The following AK7 variants were observed in gnomAD, a reference collection of about 807,000 sequenced individuals.
The protein encoded by AK7 is adenylate kinase 7, also known as ATP-AMP transphosphorylase 7.
AK7 carries 78 observed loss-of-function variants against 96.6 expected under a neutral mutation model. That is an observed-to-expected ratio of 0.81 (90% confidence interval 0.67 to 0.97). The LOEUF (loss-of-function observed/expected upper bound fraction) is 0.97. AK7 is among the 50% of genes least tolerant of loss of function. AK7 has a pLI of 0.00. For synonymous variants in AK7, 302 were observed against 317.2 expected, an observed-to-expected ratio of 0.95 and a Z score of 0.51; for missense variants, 855 against 887.9, an observed-to-expected ratio of 0.96 and a Z score of 0.47.
intron 4 of AK7, among the ~76,000 whole-genome samples, chr14:96,415,693 A>G (rs1891288007): frequency 6.6e-6 from 1 of 151,618 alleles, no homozygotes; most frequent in East Asian, 1.9e-4. Flanking sequence ...GTTTTGTTAC[A>G]AATGAAGGGT....
intron 17 of AK7, 102 bp downstream of exon 17, chr14:96,487,158 T>A: frequency 8.0e-7 from 1 of 1,254,332 alleles, no homozygotes; most frequent in African/African-American, 1.5e-5. Flanking sequence ...GGGGATCACT[T>A]GTGGTCAGGA....
At chr14:96,440,371 C>T (rs746771146) in intron 6 of AK7, among the ~76,000 whole-genome samples, 12 of 152,214 alleles carry the variant, frequency 7.9e-5, no homozygotes, top group Admixed American at 2.0e-4. Flanking sequence ...TCTCACCTAC[C>T]TGCTCACTGA....
intron 4 of AK7, among the ~76,000 whole-genome samples, chr14:96,413,031 A>G (rs999388428): frequency 6.6e-6 from 1 of 152,200 alleles, no homozygotes; most frequent in Non-Finnish European, 1.5e-5. Context: ...CCCCCAGTAC[A>G]CAAATTGTAT....
chr14:96,396,002 G>A (rs936931369), intron 1 of AK7, among the ~76,000 whole-genome samples: 5 of 151,724 alleles, frequency 3.3e-5, no homozygotes. Context: ...AGTAGAGACG[G>A]AGTTTCACCA....
chr14:96,451,727 T>G (rs1379896671), intron 10 of AK7, among the ~76,000 whole-genome samples, 157 bp downstream of exon 10: 1 of 152,162 alleles, frequency 6.6e-6, no homozygotes, highest in East Asian at 1.9e-4. Context: ...TCTAACAAAT[T>G]TACATGTATA....
chr14:96,478,521 C>A lies in AK7; in HGVS notation c.1612C>A (p.Leu538Ile). 1 of 1,614,178 alleles carries A rather than the reference C, an allele frequency of 6.2e-7. No homozygotes were observed. The change falls in exon 15 of 18, where the codon CTT becomes ATT. Residue 538 changes from leucine to isoleucine, a missense_variant. By Grantham distance (5) the Leu-to-Ile change is conservative (BLOSUM62 2). Coordinates refer to ENST00000267584, the MANE Select transcript of AK7 (RefSeq NM_152327.5). ...GTTTCTGAAGGAGCGTGTGATAAAC[C>A]TTCCTGAGAGCATCGTGGCGGGGAC... is the stretch of plus-strand genomic sequence containing the variant. The part of the protein sequence containing the change: ...DEFLKERVIN[L>I]PESIVAGTHY...
chr14:96,419,718 T>G (rs994408888), intron 4 of AK7, among the ~76,000 whole-genome samples: 6 of 152,132 alleles, frequency 3.9e-5, no homozygotes, highest in Admixed American at 2.6e-4. Flanking sequence ...AGACTTTTAG[T>G]TTTTAATTTT....
At chr14:96,410,937 C>T (rs1042522858) in intron 4 of AK7, among the ~76,000 whole-genome samples, 2 of 151,530 alleles carry the variant, frequency 1.3e-5, no homozygotes, top group African/African-American at 4.9e-5. Flanking sequence ...GGAGGTCTAA[C>T]CTGCAGTGAG....
intron 4 of AK7, among the ~76,000 whole-genome samples, chr14:96,418,052 G>A (rs1163656189): frequency 6.6e-6 from 1 of 152,046 alleles, no homozygotes; most frequent in Non-Finnish European, 1.5e-5. Context: ...ACTGGGCTTA[G>A]TAGCTCAAGC....
intron 2 of AK7, among the ~76,000 whole-genome samples, chr14:96,401,879 A>G (rs539814735): frequency 5.8e-4 from 89 of 152,222 alleles, no homozygotes; most frequent in Admixed American, 1.9e-3. Context: ...CTCTTAGTCC[A>G]TTGAATCTCA....
chr14:96,446,033 C>T (rs1428248636), intron 7 of AK7, among the ~76,000 whole-genome samples: 1 of 152,242 alleles, frequency 6.6e-6, no homozygotes, highest in Admixed American at 6.5e-5. Context: ...AAAGCAGGCT[C>T]AGGCACTGTT....
chr14:96,419,660 T>G (rs921767710), intron 4 of AK7, among the ~76,000 whole-genome samples: 1 of 152,024 alleles, frequency 6.6e-6, no homozygotes, highest in African/African-American at 2.4e-5. Flanking sequence ...TATTTAATAT[T>G]AATACCTTTA....
At chr14:96,451,877 A>G (rs1893626014) in intron 10 of AK7, among the ~76,000 whole-genome samples, 2 of 152,194 alleles carry the variant, frequency 1.3e-5, no homozygotes, top group Non-Finnish European at 2.9e-5. Context: ...ATAATAATGT[A>G]CGCAAATTGC....
chr14:96,392,165 A>G lies in AK7; in HGVS notation c.11A>G (p.Glu4Gly), dbSNP rs1438995416. Residue 4 changes from glutamate to glycine, a missense_variant, in exon 1 of 18, where the codon GAA becomes GGA. Physicochemically the swap from Glu to Gly is moderately conservative, Grantham distance 98. Transcript: ENST00000267584. ...AGCGCGGCTCCCACCATGGCTGAAG[A>G]AGAGGAAACTGCTGCTCTCACGGAG... The part of the protein sequence containing the change: MAE[E>G]EETAALTEKV... 6 of 1,612,964 alleles carry G rather than the reference A, an allele frequency of 3.7e-6. No individual in the cohort carries two copies. The highest frequency in any genetic ancestry group is 1.1e-5 in the South Asian group (1 of 91,062).
At chr14:96,414,743 G>C (rs1891227107) in intron 4 of AK7, among the ~76,000 whole-genome samples, 1 of 144,240 alleles carries the variant, frequency 6.9e-6, no homozygotes, top group Admixed American at 7.0e-5. Context: ...GGTTGAAGAA[G>C]ATAAGGATTC....
chr14:96,406,926 C>T (rs1028542800), intron 3 of AK7, among the ~76,000 whole-genome samples: 4 of 152,168 alleles, frequency 2.6e-5, no homozygotes, highest in African/African-American at 9.7e-5. Flanking sequence ...CGATCCTCAG[C>T]CTCCAACAGG....
At chr14:96,454,785 A>G (rs1566795263) in intron 10 of AK7, among the ~76,000 whole-genome samples, 1 of 151,494 alleles carries the variant, frequency 6.6e-6, no homozygotes, top group Non-Finnish European at 1.5e-5. Context: ...GGCTCCAGGG[A>G]TCCTCCCACC....
chr14:96,486,333 A>C (rs1233180670), intron 16 of AK7, among the ~76,000 whole-genome samples: 1 of 152,196 alleles, frequency 6.6e-6, no homozygotes, highest in African/African-American at 2.4e-5. Context: ...AATTTTTTAA[A>C]AAGACAAGTC....
At chr14:96,447,862 C>T (rs1893334124) in intron 8 of AK7, among the ~76,000 whole-genome samples, 1 of 152,124 alleles carries the variant, frequency 6.6e-6, no homozygotes, top group African/African-American at 2.4e-5. Flanking sequence ...ACCATGCGGC[C>T]CAGCTAGTGC....
Sources: allele counts gnomAD v4.1 joint callset (sites outside exome capture counted in the v4.1 genomes callset), GRCh38; gene constraint gnomAD v4.1.1; transcripts MANE v1.5; gene names NCBI Gene and HGNC (gene_info 2026-07-23, HGNC 2026-07-21).